DLGAP1: variants seen among roughly 807,000 people sequenced by gnomAD.
DLGAP1 encodes disks large-associated protein 1.
Under a neutral mutation model 90.8 loss-of-function variants are expected in DLGAP1, and 11 were observed. That is an observed-to-expected ratio of 0.12 (90% CI 0.08 to 0.20). The LOEUF (loss-of-function observed/expected upper bound fraction) is 0.20. Among genes scored for constraint, DLGAP1 ranks in the 10% least tolerant of loss-of-function variants. The probability of loss-of-function intolerance (pLI) is 1.00; values close to 1 mark genes in which losing one functional copy is unlikely to be tolerated. For missense variants in DLGAP1, 1,050 were observed against 1,333.8 expected (o/e 0.79, Z 3.31); for synonymous variants, 558 against 540.7 (o/e 1.03, Z -0.44).
intron 5 of DLGAP1, among the ~76,000 whole-genome samples, chr18:3,745,185 G>A (rs2063216967): frequency 6.6e-6 from 1 of 152,138 alleles, no homozygotes; most frequent in African/African-American, 2.4e-5. Flanking sequence ...GGCGGGGAAA[G>A]CATAGGAAGA....
chr18:4,251,680 A>T (rs2078782056), intron 1 of DLGAP1, among the ~76,000 whole-genome samples: 1 of 152,204 alleles, frequency 6.6e-6, no homozygotes, highest in African/African-American at 2.4e-5. Flanking sequence ...CACTATTAAA[A>T]AACAGTGGAA....
chr18:3,537,235 C>T (rs1041010627), intron 9 of DLGAP1, among the ~76,000 whole-genome samples: 2 of 152,178 alleles, frequency 1.3e-5, no homozygotes, highest in African/African-American at 2.4e-5. Context: ...TGAAACTGTG[C>T]ACCCATGAAA....
At chr18:3,931,814 G>C (rs2072522095) in intron 3 of DLGAP1, among the ~76,000 whole-genome samples, 1 of 152,076 alleles carries the variant, frequency 6.6e-6, no homozygotes. Flanking sequence ...ATTACTTTTT[G>C]CAAGTGTGGC....
At chr18:4,360,576 G>C (rs1472171002) in intron 1 of DLGAP1, among the ~76,000 whole-genome samples, 1 of 152,224 alleles carries the variant, frequency 6.6e-6, no homozygotes, top group Non-Finnish European at 1.5e-5. Flanking sequence ...GGTGAGAAAA[G>C]TGAAGTCTAT....
At chr18:3,823,949 C>CAAAAAAA (rs60286806) in intron 4 of DLGAP1, among the ~76,000 whole-genome samples, 3 of 36,558 alleles carry the variant, frequency 8.2e-5, no homozygotes, top group Non-Finnish European at 1.3e-4. Flanking sequence ...GACTCCCTCT[C>CAAAAAAA]AAAAAAAAAA....
chr18:3,995,998 G>T (rs2074062692), intron 3 of DLGAP1, among the ~76,000 whole-genome samples: 1 of 152,008 alleles, frequency 6.6e-6, no homozygotes, highest in African/African-American at 2.4e-5. Flanking sequence ...TATTATGTTA[G>T]ACATGTAAGA....
chr18:4,331,175 G>A (rs2080942744), intron 1 of DLGAP1, among the ~76,000 whole-genome samples: 1 of 151,552 alleles, frequency 6.6e-6, no homozygotes, highest in African/African-American at 2.4e-5. Flanking sequence ...TTTGATTACT[G>A]CTTGTGTGGC....
chr18:3,940,716 T>G (rs533749172), intron 3 of DLGAP1, among the ~76,000 whole-genome samples: 8 of 152,344 alleles, frequency 5.3e-5, no homozygotes, highest in Non-Finnish European at 1.0e-4. Flanking sequence ...AACAGACAAA[T>G]GAGTCCTAGG....
intron 5 of DLGAP1, among the ~76,000 whole-genome samples, chr18:3,782,982 A>G (rs1433217893): frequency 1.3e-5 from 2 of 152,202 alleles, no homozygotes; most frequent in South Asian, 4.1e-4. Flanking sequence ...CTCAATCAAA[A>G]TGGGTAAAAA....
Position 3,660,581 on chromosome 18 carries a change from C to T in DLGAP1, c.1591+68554G>A, listed in dbSNP as rs554482863. ...AATCCCAGCAAATGTACTTCAAATA[C>T]GTTATTTCAATTATGGATGTTATTG... is the stretch of plus-strand genomic sequence containing the variant. On this transcript the variant is annotated intron_variant, in intron 7 of 12. Coordinates refer to ENST00000315677, the MANE Select transcript of DLGAP1 (RefSeq NM_004746.4). The surrounding 1 kb of genome is among the most constrained non-coding windows in gnomAD (Gnocchi z 4.2). Among the ~76,000 whole-genome samples the T allele has an allele frequency of 1.8e-4, 28 of 152,302 alleles. No homozygotes were observed. The highest frequency in any genetic ancestry group is 6.7e-4 in the African/African-American group (28 of 41,556).
intron 2 of DLGAP1, among the ~76,000 whole-genome samples, chr18:4,136,520 T>C (rs1598463212): frequency 6.6e-6 from 1 of 152,340 alleles, no homozygotes; most frequent in South Asian, 2.1e-4. Context: ...ATATATCTGT[T>C]TGGTATTTGT....
intron 2 of DLGAP1, among the ~76,000 whole-genome samples, chr18:4,125,948 A>C (rs2076226481): frequency 6.6e-6 from 1 of 152,184 alleles, no homozygotes; most frequent in Non-Finnish European, 1.5e-5. Context: ...GAGAAACAAA[A>C]AACTAAGGGC....
At chr18:3,799,390 G>C (rs772703938) in intron 5 of DLGAP1, among the ~76,000 whole-genome samples, 1 of 152,046 alleles carries the variant, frequency 6.6e-6, no homozygotes, top group African/African-American at 2.4e-5. Context: ...TCCCTTCTGC[G>C]GGGGTTTCTT....
At chr18:4,381,118 G>T (rs1191834011) in intron 1 of DLGAP1, among the ~76,000 whole-genome samples, 1 of 152,090 alleles carries the variant, frequency 6.6e-6, no homozygotes, top group Non-Finnish European at 1.5e-5. Context: ...GATTCAAAAT[G>T]GTTGAAATAG....
chr18:4,142,816 C>T (rs184932419), intron 2 of DLGAP1, among the ~76,000 whole-genome samples: 3 of 152,064 alleles, frequency 2.0e-5, no homozygotes, highest in Admixed American at 6.5e-5. Context: ...CTGTATTAGG[C>T]GGTACCCCAA....
intron 9 of DLGAP1, among the ~76,000 whole-genome samples, chr18:3,543,413 C>T (rs1435199559): frequency 6.6e-6 from 1 of 152,158 alleles, no homozygotes; most frequent in African/African-American, 2.4e-5. Flanking sequence ...GATCCACCCA[C>T]CTCGGCCTCC....
chr18:4,367,190 A>ATAGT (rs36085755), intron 1 of DLGAP1, among the ~76,000 whole-genome samples: 19,988 of 150,164 alleles, frequency 0.13, 1,529 homozygotes, highest in African/African-American at 0.21. Flanking sequence ...AGTATGTAAT[A>ATAGT]TAGTTATTCA....
At chr18:3,818,346 G>GTTTTT (rs398031872) in intron 4 of DLGAP1, among the ~76,000 whole-genome samples, 2 of 66,512 alleles carry the variant, frequency 3.0e-5, no homozygotes, top group African/African-American at 6.2e-5. Context: ...TGTAGGGATG[G>GTTTTT]TTTTTTTTTT....
intron 1 of DLGAP1, among the ~76,000 whole-genome samples, chr18:4,266,773 A>AT (rs1168961128): frequency 6.6e-6 from 1 of 152,232 alleles, no homozygotes; most frequent in African/African-American, 2.4e-5. Flanking sequence ...ATGATCAAAA[A>AT]TCAACTGCAT....
Sources: allele counts gnomAD v4.1 joint callset (sites outside exome capture counted in the v4.1 genomes callset), GRCh38; gene constraint gnomAD v4.1.1; non-coding constraint Gnocchi (gnomAD v3.1); transcripts MANE v1.5; gene names NCBI Gene and HGNC (gene_info 2026-07-23, HGNC 2026-07-21).